The following MAP4K2 variants were observed in gnomAD, a reference collection of about 807,000 sequenced individuals.
MAP4K2 encodes B lymphocyte serine/threonine protein kinase.
MAP4K2 carries 85 observed loss-of-function variants against 125.3 expected under a neutral mutation model. The ratio of observed to expected loss-of-function variants is 0.68; its 90% CI spans 0.57 to 0.81. The LOEUF is 0.81. MAP4K2 is among the 40% of genes least tolerant of loss of function. MAP4K2 has a pLI of 0.00. For missense variants in MAP4K2, 923 were observed against 1,056.4 expected (o/e 0.87, Z 1.75); for synonymous variants, 479 against 445.1 (o/e 1.08, Z -0.96).
intron 2 of MAP4K2, 100 bp downstream of exon 2, chr11:64,802,785 G>A: frequency 6.8e-7 from 1 of 1,468,808 alleles, no homozygotes; most frequent in Non-Finnish European, 9.3e-7. Flanking sequence ...CCCGGGGCAC[G>A]CCTCTCAGGG....
intron 15 of MAP4K2, among the ~76,000 whole-genome samples, chr11:64,798,407 G>A (rs1015953742): frequency 6.6e-5 from 10 of 151,168 alleles, no homozygotes; most frequent in Admixed American, 5.9e-4. Flanking sequence ...CTTGGGATCC[G>A]CCCACCTCGG....
Position 64,803,084 on chromosome 11 carries a change from C to A in MAP4K2, c.66G>T (p.Val22=). The change falls in exon 1 of 32, where the codon GTG becomes GTT. Residue 22 remains valine (V), a synonymous_variant. Coordinates refer to ENST00000294066, the MANE Select transcript of MAP4K2 (RefSeq NM_004579.5). ...PRDRFELLQR[V]GAGTYGDVYK... ...AGACGTCGCCATAGGTCCCGGCCCC[C>A]ACGCGCTGCAGCAGCTCGAAGCGGT... The A allele has an allele frequency of 6.2e-7, 1 of 1,602,168 alleles. No homozygotes were observed. Among genetic ancestry groups the A allele is most frequent in the Non-Finnish European group, 8.5e-7 (1 of 1,177,892 alleles).
chr11:64,801,953 C>T (rs571806775), intron 5 of MAP4K2, 113 bp downstream of exon 5: 1 of 1,222,242 alleles, frequency 8.2e-7, no homozygotes, highest in Non-Finnish European at 1.1e-6. Context: ...GACCTACAGC[C>T]CCTCGGGCCA....
rs552019296 is a variant in MAP4K2, at chr11:64,787,389, T to A, written c.*2148A>T. ...AGTATGTGGAATATGTTAATACGTA[T>A]ATAAAAAATCGCCAAGAATAAAATA... On this transcript the variant is annotated 3_prime_UTR_variant, in exon 32 of 32. Transcript: ENST00000294066. 2 of 152,206 alleles carry A rather than the reference T, an allele frequency of 1.3e-5. No individual in the cohort carries two copies. Among genetic ancestry groups the A allele is most frequent in the South Asian group, 4.1e-4 (2 of 4,822 alleles). The allele number at this position is 152,206 out of a possible 1,614,324, so 9.4% of individuals were successfully genotyped here. A position where few individuals can be genotyped will look rare whatever the true frequency, so the allele number is the denominator to read the frequency against.
chr11:64,802,993 TC>T, intron 1 of MAP4K2, 51 bp from the exon 2 acceptor site: 1 of 1,564,972 alleles, frequency 6.4e-7, no homozygotes, highest in Non-Finnish European at 8.6e-7. Context: ...GGGGGCTAGA[TC>T]CTGCCGCGGG....
chr11:64,800,888 T>A lies in MAP4K2; in HGVS notation c.662+12A>T, dbSNP rs762498764. On this transcript the variant is annotated intron_variant, in intron 9 of 31. Coordinates refer to ENST00000294066, the MANE Select transcript of MAP4K2 (RefSeq NM_004579.5). Reference sequence around the variant, plus strand: ...GATCAAGGGTCAGGTGAGGGGCAAGTGTTGGGCTGACCTCATGGGGTGCAG... The same window carrying A: ...GATCAAGGGTCAGGTGAGGGGCAAGAGTTGGGCTGACCTCATGGGGTGCAG... The A allele has an allele frequency of 7.4e-6, 12 of 1,613,974 alleles. No individual in the cohort carries two copies. Among genetic ancestry groups the A allele is most frequent in the Non-Finnish European group, 1.0e-5 (12 of 1,179,994 alleles).
At position 64,800,621 on chromosome 11, in the gene MAP4K2, G is replaced by A. The variant is rs867243252; in HGVS notation, c.725+143C>T. 6.5e-6 allele frequency: 8 copies of A among 1,224,264 alleles called. No individual in the cohort carries two copies. In the Middle Eastern group the frequency reaches 6.7e-4, roughly 102 times the overall value. The allele number at this position is 1,224,264 out of a possible 1,614,324, so 75.8% of individuals were successfully genotyped here. The stretch of plus-strand genomic sequence containing the variant: ...ACGCTGGGTCTTCAACCCACAGAAG[G>A]ACCAGGCCCCTGACTCAGATGGTCT... On this transcript the variant is annotated intron_variant, in intron 10 of 31. Coordinates refer to ENST00000294066, the MANE Select transcript of MAP4K2 (RefSeq NM_004579.5).
In MAP4K2 at chr11:64,802,084, G is replaced by A; in HGVS notation, c.348C>T (p.Val116=). The part of the protein sequence containing the change: ...GPLEERQIAY[V]CREALKGLHH... Reference sequence around the variant, plus strand: ...CAGCTACCTTCAGTGCCTCTCGGCAGACGTAGGCAATCTGCCGCTCCTCCA... The same window carrying A: ...CAGCTACCTTCAGTGCCTCTCGGCAAACGTAGGCAATCTGCCGCTCCTCCA... The change falls in exon 5 of 32, where the codon GTC becomes GTT. Residue 116 remains valine, a synonymous_variant. Coordinates refer to ENST00000294066, the MANE Select transcript of MAP4K2 (RefSeq NM_004579.5). The A allele has an allele frequency of 6.2e-7, 1 of 1,612,858 alleles. No homozygotes were observed. The highest frequency in any genetic ancestry group is 8.5e-7 in the Non-Finnish European group (1 of 1,179,944).
chr11:64,797,067 C>A (rs769096561), intron 19 of MAP4K2, 37 bp downstream of exon 19: 8 of 1,614,066 alleles, frequency 5.0e-6, no homozygotes, highest in Non-Finnish European at 6.8e-6. Context: ...ACAGCTGTAG[C>A]CGCCCGTCTC....
Position 64,797,630 on chromosome 11 carries a change from C to T in MAP4K2, c.1132G>A (p.Glu378Lys), listed in dbSNP as rs142464217. The T allele has an allele frequency of 4.4e-6, 7 of 1,582,394 alleles. No individual in the cohort carries two copies. Among genetic ancestry groups the T allele is most frequent in the Non-Finnish European group, 6.0e-6 (7 of 1,163,262 alleles). Residue 378 changes from glutamate to lysine, a missense_variant, in exon 16 of 32, where the codon GAA (glutamate) becomes AAA (lysine). Coordinates refer to ENST00000294066, the MANE Select transcript of MAP4K2 (RefSeq NM_004579.5). ...CCCCAGGCCCACATCCCTCACCTTTCCTCCAGGGCCTCCTGGACCGACTGC... is the reference window on the plus strand; with the variant it reads ...CCCCAGGCCCACATCCCTCACCTTTTCTCCAGGGCCTCCTGGACCGACTGC... Reference protein sequence around the residue: ...LLQSVQEALEERSLTIRSASE... With the variant: ...LLQSVQEALEKRSLTIRSASE...
rs753438120 is a variant in MAP4K2 at position 64,797,516 on chromosome 11, T to C, written c.1155A>G (p.Ser385=). 1.9e-6 allele frequency: 3 copies of C among 1,568,312 alleles called. No homozygotes were observed. In the South Asian group the frequency reaches 3.5e-5, roughly 18 times the overall value. ...ALEERSLTIR[S]ASEFQELDSP... is the part of the protein sequence containing the mutation. Reference sequence around the variant, plus strand: ...TGTGTGGCACCTGGAATTCTGAGGCTGACCGAATAGTCAGACTCCTGTGGG... The same window carrying C: ...TGTGTGGCACCTGGAATTCTGAGGCCGACCGAATAGTCAGACTCCTGTGGG... The change falls in exon 17 of 32, where the codon TCA becomes TCG. Residue 385 remains serine, a synonymous_variant. Coordinates refer to ENST00000294066, the MANE Select transcript of MAP4K2 (RefSeq NM_004579.5).
intron 27 of MAP4K2, among the ~76,000 whole-genome samples, chr11:64,790,915 C>G (rs920294994): frequency 6.6e-6 from 1 of 152,178 alleles, no homozygotes; most frequent in African/African-American, 2.4e-5. Flanking sequence ...GCGGGTGGAT[C>G]ACCTGAGATC....
chr11:64,800,850 G>A (rs1399493503), intron 9 of MAP4K2, 24 bp from the exon 10 acceptor site: 3 of 1,613,558 alleles, frequency 1.9e-6, no homozygotes, highest in Non-Finnish European at 2.5e-6. Context: ...GAGGTCAGGG[G>A]CCACAGGCCG....
chr11:64,791,868 GCA>G (rs1262639792), intron 27 of MAP4K2, 39 bp downstream of exon 27: 1 of 1,498,416 alleles, frequency 6.7e-7, no homozygotes, highest in Non-Finnish European at 8.9e-7. Context: ...GGTCTCTCAT[GCA>G]CACACACCCA....
intron 15 of MAP4K2, 30 bp downstream of exon 15, chr11:64,798,764 C>A: frequency 6.2e-7 from 1 of 1,612,722 alleles, no homozygotes; most frequent in Non-Finnish European, 8.5e-7. Flanking sequence ...GCCCCTGCCA[C>A]CCCCTGCAGC....
intron 24 of MAP4K2, among the ~76,000 whole-genome samples, chr11:64,793,680 C>T (rs1291867485): frequency 1.3e-5 from 2 of 152,228 alleles, no homozygotes; most frequent in Non-Finnish European, 2.9e-5. Flanking sequence ...CTCCCTCTCC[C>T]CACATTCCTC....
intron 10 of MAP4K2, 45 bp from the exon 11 acceptor site, chr11:64,800,437 T>C: frequency 6.3e-7 from 1 of 1,595,338 alleles, no homozygotes; most frequent in Non-Finnish European, 8.6e-7. Context: ...AGGTTAGCCC[T>C]CGTGCAGGGT....
At chr11:64,802,691 G>T in intron 2 of MAP4K2, 38 bp from the exon 3 acceptor site, 1 of 1,592,644 alleles carries the variant, frequency 6.3e-7, no homozygotes. Flanking sequence ...GGCGCGCTGG[G>T]GTTGCCCTGA....
intron 12 of MAP4K2, 138 bp downstream of exon 12, chr11:64,799,971 A>T: frequency 1.4e-6 from 1 of 733,742 alleles, no homozygotes; most frequent in Non-Finnish European, 2.3e-6. Flanking sequence ...CATGACAGAG[A>T]CTCCTAATGG....
Sources: gnomAD v4.1 joint callset for allele counts (sites outside exome capture counted in the v4.1 genomes callset) on GRCh38, gnomAD v4.1.1 for gene constraint, MANE v1.5 for transcripts, NCBI Gene and HGNC (gene_info 2026-07-23, HGNC 2026-07-21) for gene names.